The following STK3 variants were observed in gnomAD, a reference collection of about 807,000 sequenced individuals.
STK3 encodes serine/threonine-protein kinase 3.
Under a neutral mutation model 58.0 loss-of-function variants are expected in STK3, and 41 were observed. That is an observed-to-expected ratio of 0.71 (90% confidence interval 0.55 to 0.92). The LOEUF is 0.92. STK3 is among the 40% of genes least tolerant of loss of function. The probability of loss-of-function intolerance (pLI) is 0.00; values close to 1 mark genes in which losing one functional copy is unlikely to be tolerated. For synonymous variants in STK3, 170 were observed against 191.0 expected, an observed-to-expected ratio of 0.89 and a Z score of 0.91; for missense variants, 479 against 602.7, an observed-to-expected ratio of 0.79 and a Z score of 2.15.
chr8:98,563,339 T>A (rs1305353981), intron 8 of STK3, among the ~76,000 whole-genome samples: 1 of 152,106 alleles, frequency 6.6e-6, no homozygotes, highest in East Asian at 1.9e-4. Context: ...TAATAATGGA[T>A]TAGAGTCAGA....
chr8:98,421,291 C>T (rs984602829), intron 3 of STK3, among the ~76,000 whole-genome samples: 9 of 152,092 alleles, frequency 5.9e-5, no homozygotes, highest in African/African-American at 1.9e-4. Context: ...CTTCTGGGTC[C>T]CTGGGCCTCA....
intron 10 of STK3, among the ~76,000 whole-genome samples, chr8:98,473,314 A>G (rs1821063462): frequency 6.6e-6 from 1 of 151,502 alleles, no homozygotes; most frequent in African/African-American, 2.4e-5. Flanking sequence ...TCTTCTCAGA[A>G]ACCTATCTAC....
intron 3 of STK3, among the ~76,000 whole-genome samples, chr8:98,405,453 T>C (rs1563593951): frequency 6.6e-6 from 1 of 152,244 alleles, no homozygotes; most frequent in Non-Finnish European, 1.5e-5. Flanking sequence ...TATTATCTTA[T>C]TATTATTCTC....
chr8:98,653,811 T>A (rs1821202161), intron 6 of STK3, among the ~76,000 whole-genome samples: 2 of 151,990 alleles, frequency 1.3e-5, no homozygotes. Flanking sequence ...AATAGAACAA[T>A]AACAGGCTCT....
At chr8:98,505,477 G>A (rs1277221629) in intron 10 of STK3, among the ~76,000 whole-genome samples, 3 of 152,108 alleles carry the variant, frequency 2.0e-5, no homozygotes, top group Admixed American at 6.5e-5. Context: ...AGGTGCTCTT[G>A]TTTTTAGGAT....
chr8:98,446,482 C>T (rs1368784902), intron 1 of STK3, among the ~76,000 whole-genome samples: 1 of 151,958 alleles, frequency 6.6e-6, no homozygotes, highest in Non-Finnish European at 1.5e-5. Context: ...TTTTCATAAC[C>T]CTCTGAGGTT....
downstream of STK3, chr8:98,883,186 A>G (rs1837862064): frequency 6.5e-6 from 1 of 153,594 alleles, no homozygotes; most frequent in Admixed American, 6.4e-5. Context: ...CGCTTACGCA[A>G]AACTAATTTC....
chr8:98,364,173 T>C, the STK3 span, among the ~76,000 whole-genome samples: 6 of 152,152 alleles, frequency 3.9e-5, no homozygotes, highest in Non-Finnish European at 7.4e-5. Flanking sequence ...CAGTTTCCTA[T>C]GAGGCCTCAG....
At chr8:98,689,471 A>G (rs775152158) in intron 6 of STK3, among the ~76,000 whole-genome samples, 4 of 152,126 alleles carry the variant, frequency 2.6e-5, no homozygotes, top group Non-Finnish European at 4.4e-5. Flanking sequence ...TAAGACCCAA[A>G]ATTCCTCCAC....
chr8:98,461,179 G>A (rs545902608), intron 10 of STK3, among the ~76,000 whole-genome samples: 5 of 151,934 alleles, frequency 3.3e-5, no homozygotes, highest in Admixed American at 1.3e-4. Context: ...AGAGTTAGGT[G>A]CATATTTATT....
chr8:98,397,961 A>T (rs147506586), downstream of STK3, among the ~76,000 whole-genome samples: 53 of 152,260 alleles, frequency 3.5e-4, no homozygotes, highest in East Asian at 9.9e-3. Flanking sequence ...GAGTCAATTA[A>T]ACCTCTTTTC....
In STK3 at chr8:98,381,040, G is replaced by A. The variant is rs190412536; in HGVS notation, n.57-1833C>T. The stretch of plus-strand genomic sequence containing the variant: ...GGCTGGAGTGCAATGGCGCAATCTC[G>A]GCTCACTGCAACCTCCACCTCCCAG... On this transcript the variant is annotated intron_variant and non_coding_transcript_variant, in intron 1 of 2. Coordinates refer to the STK3 transcript ENST00000518704. 1.0e-4 allele frequency among the ~76,000 whole-genome samples: 14 copies of A among 133,580 alleles called. No individual in the cohort carries two copies. The East Asian group carries it at 2.4e-3, about 23-fold the overall frequency. The allele number at this position is 133,580 out of a possible 152,430, so 87.6% of individuals were successfully genotyped here.
intron 2 of STK3, among the ~76,000 whole-genome samples, 153 bp from the exon 3 acceptor site, chr8:98,767,524 G>T (rs1831025853): frequency 6.6e-6 from 1 of 152,068 alleles, no homozygotes; most frequent in Non-Finnish European, 1.5e-5. Context: ...AATTTTAAAA[G>T]GTAATGAATT....
intron 1 of STK3, among the ~76,000 whole-genome samples, chr8:98,936,325 G>T (rs1298603249): frequency 1.3e-5 from 2 of 151,974 alleles, no homozygotes; most frequent in East Asian, 3.8e-4. Context: ...ATTAACTAGG[G>T]ATCTTGGATC....
At chr8:98,550,871 G>A (rs775724389) in intron 8 of STK3, among the ~76,000 whole-genome samples, 1 of 152,160 alleles carries the variant, frequency 6.6e-6, no homozygotes, top group South Asian at 2.1e-4. Context: ...AAAGTACACG[G>A]CATTATACTA....
intron 6 of STK3, among the ~76,000 whole-genome samples, chr8:98,692,589 T>C (rs1283872442): frequency 6.6e-6 from 1 of 152,186 alleles, no homozygotes; most frequent in Non-Finnish European, 1.5e-5. Flanking sequence ...AATTATTGTT[T>C]AATGGGTACA....
intron 6 of STK3, among the ~76,000 whole-genome samples, chr8:98,705,696 T>C (rs1252185275): frequency 6.6e-6 from 1 of 152,136 alleles, no homozygotes; most frequent in Non-Finnish European, 1.5e-5. Context: ...CCTCCCCTCA[T>C]TCCTACATCC....
chr8:98,541,050 C>T lies in STK3; in HGVS notation c.1141+6919G>A, dbSNP rs145627684. Among the ~76,000 whole-genome samples the T allele has an allele frequency of 2.0e-3, 301 of 152,270 alleles. 1 individual carries two copies. Among genetic ancestry groups the T allele is most frequent in the African/African-American group, 6.8e-3 (281 of 41,556 alleles). ...CGGTAGCCTCTGGATTGCTATTCCTCGTTGTGGCAGTAGTAGTTGTTCCTT... is the reference window on the plus strand; with the variant it reads ...CGGTAGCCTCTGGATTGCTATTCCTTGTTGTGGCAGTAGTAGTTGTTCCTT... On this transcript the variant is annotated intron_variant, in intron 9 of 10. Transcript: ENST00000419617.
intron 4 of STK3, among the ~76,000 whole-genome samples, chr8:98,713,709 C>T (rs1826743007): frequency 2.0e-5 from 3 of 152,256 alleles, no homozygotes; most frequent in South Asian, 2.1e-4. Flanking sequence ...CAAGGAGGAG[C>T]TGGTATCATT....
Sources: allele counts gnomAD v4.1 joint callset (sites outside exome capture counted in the v4.1 genomes callset), GRCh38; gene constraint gnomAD v4.1.1; transcripts MANE v1.5; gene names NCBI Gene and HGNC (gene_info 2026-07-23, HGNC 2026-07-21).